Variants in ATXN2 observed in about 807,000 individuals in gnomAD.
The protein encoded by ATXN2 is ataxin 2.
ATXN2 carries 37 observed loss-of-function variants against 138.6 expected under a neutral mutation model. The ratio of observed to expected loss-of-function variants is 0.27; its 90% CI spans 0.21 to 0.35. The LOEUF is 0.35. Among genes scored for constraint, ATXN2 ranks in the 10% least tolerant of loss-of-function variants. The pLI is 1.00. For synonymous variants in ATXN2, 549 were observed against 543.7 expected (o/e 1.01, Z -0.13); for missense variants, 1,216 against 1,480.3 (o/e 0.82, Z 2.93).
In ATXN2 at chr12:111,466,358, G is replaced by A. The variant is rs993516704; in HGVS notation, c.2843-1643C>T. ...CTAAACAAAATACAAAAAATTAGCC[G>A]GGCATGGTGGCGGGCGCCTGTAGTC... On this transcript the variant is annotated intron_variant, in intron 20 of 24. Transcript: ENST00000673436. Among the ~76,000 whole-genome samples, 99 of 149,272 alleles carry A rather than the reference G, an allele frequency of 6.6e-4. 2 individuals are homozygous for A. The highest frequency in any genetic ancestry group is 1.8e-4 in the Non-Finnish European group (12 of 67,202).
chr12:111,504,775 TG>T lies in ATXN2; in HGVS notation c.1935+4773del, dbSNP rs1297818905. ...TGCTATATTAAATAACTGCTCAAAA[TG>T]GGCTGAGCACCAAGTCACTCTCCTA... On this transcript the variant is annotated intron_variant, in intron 14 of 24. Transcript: ENST00000673436. 3.0e-4 allele frequency among the ~76,000 whole-genome samples: 46 copies of T among 152,334 alleles called. No homozygotes were observed. The Middle Eastern group carries it at 0.01, about 34-fold the overall frequency.
chr12:111,558,336 A>G (rs567285000), intron 1 of ATXN2, among the ~76,000 whole-genome samples: 1 of 152,336 alleles, frequency 6.6e-6, no homozygotes, highest in African/African-American at 2.4e-5. Flanking sequence ...TATAGTAACA[A>G]ATACTGAACC....
intron 5 of ATXN2, among the ~76,000 whole-genome samples, chr12:111,535,999 C>CAAAAAA (rs766582583): frequency 1.5e-5 from 1 of 65,840 alleles, no homozygotes; most frequent in African/African-American, 4.1e-5. Flanking sequence ...GACTCCGTCT[C>CAAAAAA]AAAAAAAAAA....
intron 14 of ATXN2, among the ~76,000 whole-genome samples, chr12:111,492,115 G>A (rs942314383): frequency 1.1e-4 from 16 of 152,100 alleles, no homozygotes; most frequent in Middle Eastern, 3.2e-3. Context: ...TTCCAGTGAC[G>A]GTGGCCATGG....
intron 2 of ATXN2, 71 bp from the exon 3 acceptor site, chr12:111,554,288 G>A: frequency 9.2e-7 from 1 of 1,090,012 alleles, no homozygotes; most frequent in Non-Finnish European, 1.2e-6. Context: ...TAAAATGCTT[G>A]GGACCAGAAG....
chr12:111,461,407 T>A (rs1406333256), intron 21 of ATXN2: 1 of 151,370 alleles, frequency 6.6e-6, no homozygotes, highest in East Asian at 1.9e-4. Context: ...GAGGTGGAGG[T>A]TGCAGTGAAC....
intron 1 of ATXN2, among the ~76,000 whole-genome samples, chr12:111,577,471 T>G (rs981581885): frequency 8.6e-5 from 13 of 151,648 alleles, no homozygotes; most frequent in African/African-American, 3.1e-4. Context: ...TTCACCGTGT[T>G]AGCCAGGATG....
chr12:111,571,367 A>G (rs758236592), intron 1 of ATXN2, among the ~76,000 whole-genome samples: 9 of 152,242 alleles, frequency 5.9e-5, no homozygotes, highest in Non-Finnish European at 1.0e-4. Context: ...CTTGTAATTT[A>G]TAGTAAGCTA....
chr12:111,510,247 T>C (rs1166948041), intron 12 of ATXN2, 138 bp downstream of exon 12: 1 of 1,029,064 alleles, frequency 9.7e-7, no homozygotes, highest in African/African-American at 1.6e-5. Flanking sequence ...AACATCAAAA[T>C]TTACATAAAC....
At chr12:111,475,226 C>G (rs1876712961) in intron 18 of ATXN2, among the ~76,000 whole-genome samples, 1 of 150,102 alleles carries the variant, frequency 6.7e-6, no homozygotes. Context: ...AAAAAAAAGG[C>G]TGGGCTACTT....
intron 18 of ATXN2, among the ~76,000 whole-genome samples, chr12:111,478,869 C>G (rs757018929): frequency 2.2e-4 from 34 of 151,504 alleles, no homozygotes; most frequent in Non-Finnish European, 2.4e-4. Flanking sequence ...ATTAGCCAGG[C>G]ATGGTGGTGC....
chr12:111,488,843 T>C, intron 14 of ATXN2, 63 bp from the exon 15 acceptor site: 3 of 1,367,688 alleles, frequency 2.2e-6, no homozygotes, highest in Non-Finnish European at 3.0e-6. Flanking sequence ...ATTTTTGCCA[T>C]GAGCACAAGC....
chr12:111,488,430 AAAG>A (rs1452876367), intron 15 of ATXN2, 43 bp downstream of exon 15: 2 of 1,553,040 alleles, frequency 1.3e-6, no homozygotes, highest in Non-Finnish European at 1.7e-6. Flanking sequence ...TAAAAAAAAA[AAAG>A]TTAATTGAGT....
At chr12:111,467,753 C>T (rs1170585342) in intron 20 of ATXN2, among the ~76,000 whole-genome samples, 2 of 152,156 alleles carry the variant, frequency 1.3e-5, no homozygotes, top group African/African-American at 4.8e-5. Flanking sequence ...GGGTCTAAGG[C>T]CCCACTGCTC....
Position 111,488,629 on chromosome 12 carries a change from C to T in ATXN2, c.2087G>A (p.Ser696Asn). 1.9e-6 allele frequency: 3 copies of T among 1,614,178 alleles called. No homozygotes were observed. Among genetic ancestry groups the T allele is most frequent in the Non-Finnish European group, 2.5e-6 (3 of 1,180,030 alleles). The change falls in exon 15 of 25, where the codon AGC becomes AAC. Residue 696 changes from serine to asparagine, a missense_variant. Ser to Asn is a conservative substitution (Grantham distance 46). Around this residue, in one of 4 missense-constraint regions of ATXN2, gnomAD observed 490 missense variants for 653.5 expected, o/e 0.75. Coordinates refer to ENST00000673436, the MANE Select transcript of ATXN2 (RefSeq NM_001372574.1). ...AATGCTGGGGCTATTCGGCTTGCTG[C>T]TGCCACTGGTACAGTTGCTGCTGCT... is the stretch of plus-strand genomic sequence containing the variant. Reference protein sequence around the residue: ...ENSSSNCTSGSSKPNSPSISP... With the variant: ...ENSSSNCTSGNSKPNSPSISP...
intron 1 of ATXN2, among the ~76,000 whole-genome samples, chr12:111,569,438 G>A (rs987203646): frequency 5.3e-5 from 8 of 151,796 alleles, no homozygotes; most frequent in Non-Finnish European, 1.0e-4. Flanking sequence ...TAGTAAAGGA[G>A]AAAAAAAAGG....
At chr12:111,517,666 C>CTTAA (rs1168560880) in intron 9 of ATXN2, among the ~76,000 whole-genome samples, 1 of 152,084 alleles carries the variant, frequency 6.6e-6, no homozygotes, top group Non-Finnish European at 1.5e-5. Context: ...GTTTCTTTTA[C>CTTAA]TTAAGTTGCT....
chr12:111,482,416 G>C (rs555040319), intron 18 of ATXN2, among the ~76,000 whole-genome samples: 2 of 151,718 alleles, frequency 1.3e-5, no homozygotes, highest in African/African-American at 4.8e-5. Flanking sequence ...GGATGGTCTT[G>C]ATCTCCTGAC....
At chr12:111,550,088 AAAG>A (rs1298928598) in intron 5 of ATXN2, among the ~76,000 whole-genome samples, 1 of 151,860 alleles carries the variant, frequency 6.6e-6, no homozygotes, top group Non-Finnish European at 1.5e-5. Flanking sequence ...AAGAGAGAGA[AAAG>A]AAAAAATAAG....
Sources: gnomAD v4.1 joint callset for allele counts (sites outside exome capture counted in the v4.1 genomes callset) on GRCh38, gnomAD v4.1.1 for gene constraint, gnomAD v4.1.1 regional missense constraint, MANE v1.5 for transcripts, NCBI Gene and HGNC (gene_info 2026-07-23, HGNC 2026-07-21) for gene names.